The following EPHA6 variants were observed in gnomAD, a reference collection of about 807,000 sequenced individuals.
The protein encoded by EPHA6 is ephrin type-A receptor 6.
Under a neutral mutation model 112.0 loss-of-function variants are expected in EPHA6, and 50 were observed. The observed-to-expected ratio is 0.45, with a 90% CI of 0.36 to 0.56. The LOEUF (loss-of-function observed/expected upper bound fraction) is 0.56. Among genes scored for constraint, EPHA6 ranks in the 20% least tolerant of loss-of-function variants. The probability of loss-of-function intolerance (pLI) is 0.00; values close to 1 mark genes in which losing one functional copy is unlikely to be tolerated. For synonymous variants in EPHA6, 529 were observed against 490.7 expected (o/e 1.08, Z -1.03); for missense variants, 1,280 against 1,417.4 (o/e 0.90, Z 1.56).
At chr3:97,555,982 G>T (rs1343984066) in intron 11 of EPHA6, among the ~76,000 whole-genome samples, 1 of 151,872 alleles carries the variant, frequency 6.6e-6, no homozygotes, top group East Asian at 1.9e-4. Context: ...AAAGCTCATA[G>T]GTCCCAAACC....
intron 7 of EPHA6, among the ~76,000 whole-genome samples, chr3:97,451,199 C>T (rs1173202046): frequency 6.6e-6 from 1 of 151,934 alleles, no homozygotes; most frequent in Non-Finnish European, 1.5e-5. Context: ...ATTCAGGATC[C>T]ATTGGTGAAT....
intron 8 of EPHA6, 131 bp from the exon 9 acceptor site, chr3:97,479,163 G>T: frequency 1.9e-6 from 1 of 537,026 alleles, no homozygotes; most frequent in African/African-American, 1.9e-5. Flanking sequence ...ATATTTTCAC[G>T]TTATAAAGAT....
intron 3 of EPHA6, among the ~76,000 whole-genome samples, chr3:97,178,497 A>G (rs939980366): frequency 2.6e-5 from 4 of 151,876 alleles, no homozygotes; most frequent in African/African-American, 9.7e-5. Context: ...TTTCTTTCTG[A>G]TTGCAGTGCT....
At chr3:97,145,144 T>G (rs2076008626) in intron 3 of EPHA6, among the ~76,000 whole-genome samples, 1 of 151,456 alleles carries the variant, frequency 6.6e-6, no homozygotes, top group Non-Finnish European at 1.5e-5. Context: ...AACTTCATAT[T>G]AAGGTAATTT....
Position 97,074,942 on chromosome 3 carries a change from A to G in EPHA6, c.1114+86949A>G, listed in dbSNP as rs190619147. On this transcript the variant is annotated intron_variant, in intron 3 of 17. Transcript: ENST00000389672. ...CATGATGGACTAGAGAGTAAAACTGATAACTTTGGAAAAGTTCTCAATGGT... is the reference window on the plus strand; with the variant it reads ...CATGATGGACTAGAGAGTAAAACTGGTAACTTTGGAAAAGTTCTCAATGGT... 1.8e-3 allele frequency among the ~76,000 whole-genome samples: 269 copies of G among 152,188 alleles called. 2 individuals carry two copies. The highest frequency in any genetic ancestry group is 6.1e-3 in the African/African-American group (253 of 41,578).
At chr3:97,014,307 G>A (rs113477176) in intron 3 of EPHA6, among the ~76,000 whole-genome samples, 3,538 of 150,488 alleles carry the variant, frequency 0.024, 69 homozygotes, top group Non-Finnish European at 0.038. Flanking sequence ...CTTCCTTTCC[G>A]TCCTTTCTCC....
At chr3:96,983,276 T>G (rs2042883537) in intron 2 of EPHA6, among the ~76,000 whole-genome samples, 1 of 152,180 alleles carries the variant, frequency 6.6e-6, no homozygotes, top group South Asian at 2.1e-4. Flanking sequence ...AGCATTTGTT[T>G]GTCTGTAAAG....
At chr3:97,176,738 T>C (rs2108441034) in intron 3 of EPHA6, among the ~76,000 whole-genome samples, 1 of 152,090 alleles carries the variant, frequency 6.6e-6, no homozygotes, top group South Asian at 2.1e-4. Flanking sequence ...TTAGTTGTAA[T>C]GTCTCCTCTT....
chr3:97,193,142 A>G (rs1311186449), intron 3 of EPHA6, among the ~76,000 whole-genome samples: 1 of 152,026 alleles, frequency 6.6e-6, no homozygotes, highest in African/African-American at 2.4e-5. Flanking sequence ...GCTTTCATAT[A>G]CATTTTAGGC....
intron 3 of EPHA6, among the ~76,000 whole-genome samples, chr3:97,008,647 C>A (rs78902339): frequency 6.6e-6 from 1 of 152,164 alleles, no homozygotes; most frequent in Admixed American, 6.5e-5. Context: ...TAGTTCTGTG[C>A]CCTTGATGGA....
chr3:96,843,462 C>G (rs2034873259), intron 1 of EPHA6, among the ~76,000 whole-genome samples: 1 of 151,952 alleles, frequency 6.6e-6, no homozygotes. Context: ...TTACAGAACC[C>G]TTTCTTTAAG....
intron 3 of EPHA6, among the ~76,000 whole-genome samples, chr3:97,023,513 A>G (rs2044532734): frequency 6.6e-6 from 1 of 151,710 alleles, no homozygotes; most frequent in Non-Finnish European, 1.5e-5. Context: ...ACCTTCTAAG[A>G]TTTTTTTCAT....
At chr3:97,148,872 G>C (rs2076103355) in intron 3 of EPHA6, among the ~76,000 whole-genome samples, 2 of 151,990 alleles carry the variant, frequency 1.3e-5, no homozygotes, top group African/African-American at 4.8e-5. Flanking sequence ...TTGAGGGGTG[G>C]GCAAGCATAC....
intron 5 of EPHA6, among the ~76,000 whole-genome samples, chr3:97,294,998 G>A (rs1365386066): frequency 1.3e-5 from 2 of 152,044 alleles, no homozygotes; most frequent in Admixed American, 1.3e-4. Context: ...TTCTCTCACT[G>A]TTTTTGTAAT....
At chr3:96,835,951 A>G (rs534849776) in intron 1 of EPHA6, among the ~76,000 whole-genome samples, 2 of 152,226 alleles carry the variant, frequency 1.3e-5, no homozygotes, top group South Asian at 4.1e-4. Flanking sequence ...TCACAGTATT[A>G]AGGGGAAATA....
At chr3:97,681,406 C>T (rs1272887771) in intron 14 of EPHA6, among the ~76,000 whole-genome samples, 1 of 151,828 alleles carries the variant, frequency 6.6e-6, no homozygotes, top group East Asian at 1.9e-4. Flanking sequence ...ACTTATGTAC[C>T]AGATATTGAT....
At chr3:97,048,375 T>C (rs1435202311) in intron 3 of EPHA6, among the ~76,000 whole-genome samples, 1 of 151,984 alleles carries the variant, frequency 6.6e-6, no homozygotes, top group Admixed American at 6.6e-5. Context: ...AGGTGAGAAA[T>C]TGAGATACAT....
chr3:97,313,306 G>A (rs2081647278), intron 5 of EPHA6, among the ~76,000 whole-genome samples: 1 of 151,314 alleles, frequency 6.6e-6, no homozygotes, highest in African/African-American at 2.4e-5. Flanking sequence ...GGATATTTAG[G>A]TTCCTTCCAT....
intron 15 of EPHA6, among the ~76,000 whole-genome samples, chr3:97,731,236 A>T (rs1289315941): frequency 1.3e-5 from 2 of 152,110 alleles, no homozygotes; most frequent in African/African-American, 2.4e-5. Context: ...CCTGACCGCT[A>T]ACTTGAATCA....
Sources: gnomAD v4.1 joint callset for allele counts (sites outside exome capture counted in the v4.1 genomes callset) on GRCh38, gnomAD v4.1.1 for gene constraint, MANE v1.5 for transcripts, NCBI Gene and HGNC (gene_info 2026-07-23, HGNC 2026-07-21) for gene names.